The following MTA3 variants were observed in gnomAD, a reference collection of about 807,000 sequenced individuals.
MTA3 encodes metastasis associated 1 family member 3.
A neutral mutation model predicts 83.5 loss-of-function variants in MTA3; 34 were observed. The ratio of observed to expected loss-of-function variants is 0.41; its 90% confidence interval spans 0.31 to 0.54. The LOEUF (loss-of-function observed/expected upper bound fraction) is 0.54. Among genes scored for constraint, MTA3 ranks in the 20% least tolerant of loss-of-function variants. The pLI is 0.33. For missense variants in MTA3, 761 were observed against 726.4 expected (o/e 1.05, Z -0.55); for synonymous variants, 303 against 252.7 (o/e 1.20, Z -1.89).
At chr2:42,622,575 T>G (rs1383548662) in intron 4 of MTA3, among the ~76,000 whole-genome samples, 1 of 152,220 alleles carries the variant, frequency 6.6e-6, no homozygotes, top group African/African-American at 2.4e-5. Flanking sequence ...ACATGGTAAA[T>G]GTTGATACAT....
chr2:42,725,974 T>C (rs1667783477), intron 16 of MTA3, among the ~76,000 whole-genome samples: 1 of 152,222 alleles, frequency 6.6e-6, no homozygotes, highest in South Asian at 2.1e-4. Context: ...ATGGGCCTGT[T>C]TCCTATGTCC....
chr2:42,586,684 A>C (rs1680372888), intron 3 of MTA3, among the ~76,000 whole-genome samples: 1 of 151,932 alleles, frequency 6.6e-6, no homozygotes, highest in Non-Finnish European at 1.5e-5. Context: ...AGACGGGTAG[A>C]TCACTTGAGG....
At chr2:42,747,153 C>T (rs1243976557) in intron 16 of MTA3, among the ~76,000 whole-genome samples, 1 of 152,120 alleles carries the variant, frequency 6.6e-6, no homozygotes. Flanking sequence ...TCACATGCCA[C>T]CATTCCCAGC....
intron 16 of MTA3, among the ~76,000 whole-genome samples, chr2:42,744,219 G>A (rs1669241666): frequency 6.6e-6 from 1 of 152,210 alleles, no homozygotes. Flanking sequence ...AAGCCATGAA[G>A]AAGACAGATC....
intron 2 of MTA3, among the ~76,000 whole-genome samples, chr2:42,575,491 C>T (rs892158760): frequency 6.6e-6 from 1 of 152,084 alleles, no homozygotes; most frequent in Non-Finnish European, 1.5e-5. Context: ...TTGATTCATT[C>T]ATTTTACAAA....
intron 2 of MTA3, among the ~76,000 whole-genome samples, chr2:42,526,306 A>G (rs1184382236): frequency 6.6e-6 from 1 of 151,842 alleles, no homozygotes; most frequent in Non-Finnish European, 1.5e-5. Context: ...CTCAAGCAAG[A>G]CTCCCATCTC....
rs999391651 is a variant in MTA3, at chr2:42,568,670, G to T, written c.-76G>T. ...AGCGACGGCGGCGGCGGCAGCGGCG[G>T]TCGCGGCTGAGGCTGAGGAGGAGGC... On this transcript the variant is annotated 5_prime_UTR_variant, in exon 1 of 17. Transcript: ENST00000405094. 10 of 1,131,448 alleles carry T rather than the reference G, an allele frequency of 8.8e-6. No homozygotes were observed. In the African/African-American group the frequency reaches 9.8e-5, roughly 11 times the overall value. The allele number at this position is 1,131,448 out of a possible 1,614,324, so 70.1% of individuals were successfully genotyped here. A position where few individuals can be genotyped will look rare whatever the true frequency, so the allele number is the denominator to read the frequency against.
chr2:42,509,286 G>C (rs1015487475), intron 2 of MTA3, among the ~76,000 whole-genome samples: 1 of 151,970 alleles, frequency 6.6e-6, no homozygotes, highest in Admixed American at 6.6e-5. Context: ...CAAGTGATCC[G>C]CTTGCCTCGG....
intron 8 of MTA3, among the ~76,000 whole-genome samples, chr2:42,668,772 T>G (rs1388294515): frequency 6.6e-6 from 1 of 152,192 alleles, no homozygotes; most frequent in Non-Finnish European, 1.5e-5. Flanking sequence ...TTACAAGAAG[T>G]CACTGTAAGA....
At chr2:42,543,633 T>C (rs1200824066) in intron 2 of MTA3, among the ~76,000 whole-genome samples, 1 of 148,932 alleles carries the variant, frequency 6.7e-6, no homozygotes, top group Non-Finnish European at 1.5e-5. Context: ...CTATACTCAC[T>C]TGGGAGGTTA....
chr2:42,565,344 GCTAA>G (rs753774344), upstream of MTA3, among the ~76,000 whole-genome samples: 1,182 of 151,014 alleles, frequency 7.8e-3, 4 homozygotes, highest in Non-Finnish European at 0.013. Context: ...GCACCAACTG[GCTAA>G]CTTTTTTTTT....
At chr2:42,508,493 T>C (rs1674741671) in intron 2 of MTA3, among the ~76,000 whole-genome samples, 1 of 151,732 alleles carries the variant, frequency 6.6e-6, no homozygotes, top group Non-Finnish European at 1.5e-5. Context: ...CACTATGCCC[T>C]GCTAATTTTT....
chr2:42,581,404 C>G (rs144513037), intron 3 of MTA3, among the ~76,000 whole-genome samples: 28 of 125,182 alleles, frequency 2.2e-4, no homozygotes, highest in Middle Eastern at 7.0e-3. Context: ...GGGTCTTGCT[C>G]TCTTGCCCAG....
Position 42,579,244 on chromosome 2 carries a change from G to GT in MTA3, c.190+50dup, listed in dbSNP as rs753321765. ...ATTAAAAAAACGTTTTAAGTCTTGTGTTTTTTGTGATGAGGTGGAAACATG... is the reference window on the plus strand; with the variant it reads ...ATTAAAAAAACGTTTTAAGTCTTGTGTTTTTTTGTGATGAGGTGGAAACATG... On this transcript the variant is annotated intron_variant, in intron 3 of 16. Transcript: ENST00000405094. 41 of 1,413,814 alleles carry GT rather than the reference G, an allele frequency of 2.9e-5. No individual in the cohort carries two copies. The South Asian group carries it at 5.1e-4, about 18-fold the overall frequency. The allele number at this position is 1,413,814 out of a possible 1,614,324, so 87.6% of individuals were successfully genotyped here.
At chr2:42,677,673 C>G (rs1355497931) in intron 8 of MTA3, among the ~76,000 whole-genome samples, 2 of 152,124 alleles carry the variant, frequency 1.3e-5, no homozygotes, top group Admixed American at 1.3e-4. Flanking sequence ...GAGTTCCCTG[C>G]ACAACCTCTT....
rs189017329 is a variant in MTA3, at chr2:42,542,443, A to G, written c.-140-27994A>G. ...TTTAGAGGGACAGAACCAATGGAAT[A>G]TATATATTCAATCAAGTTGACACTC... On this transcript the variant is annotated intron_variant, in intron 2 of 17. Transcript: ENST00000405592. 5.9e-5 allele frequency among the ~76,000 whole-genome samples: 9 copies of G among 152,346 alleles called. No individual in the cohort carries two copies. In the East Asian group the frequency reaches 1.3e-3, roughly 23 times the overall value.
At chr2:42,722,798 A>G (rs1282666122) in intron 15 of MTA3, 91 bp from the exon 16 acceptor site, 1 of 1,422,612 alleles carries the variant, frequency 7.0e-7, no homozygotes, top group South Asian at 1.4e-5. Flanking sequence ...CAGCTCATTA[A>G]GAAATAAGAT....
intron 2 of MTA3, among the ~76,000 whole-genome samples, chr2:42,499,475 C>A (rs1172751232): frequency 1.3e-5 from 2 of 149,234 alleles, no homozygotes; most frequent in Non-Finnish European, 3.0e-5. Context: ...GAGGGTAGAT[C>A]TTATAGGTGT....
chr2:42,571,288 A>C (rs1278066184), intron 2 of MTA3, among the ~76,000 whole-genome samples: 1 of 150,236 alleles, frequency 6.7e-6, no homozygotes, highest in African/African-American at 2.5e-5. Flanking sequence ...AATCCCAGCT[A>C]CTCAGGAGGC....
Sources: gnomAD v4.1 joint callset for allele counts (sites outside exome capture counted in the v4.1 genomes callset) on GRCh38, gnomAD v4.1.1 for gene constraint, MANE v1.5 for transcripts, NCBI Gene and HGNC (gene_info 2026-07-23, HGNC 2026-07-21) for gene names.